The following PACRG variants were observed in gnomAD, a reference collection of about 807,000 sequenced individuals.
PACRG encodes the protein parkin coregulated gene protein.
A neutral mutation model predicts 29.7 loss-of-function variants in PACRG; 29 were observed. The ratio of observed to expected loss-of-function variants is 0.98; its 90% CI spans 0.73 to 1.33. The LOEUF is 1.33. Among genes scored for constraint, PACRG ranks in the 40% most tolerant of loss-of-function variants. The pLI is 0.00. For synonymous variants in PACRG, 116 were observed against 118.7 expected (o/e 0.98, Z 0.15); for missense variants, 279 against 316.2 (o/e 0.88, Z 0.89).
intron 2 of PACRG, among the ~76,000 whole-genome samples, chr6:162,868,361 A>G (rs1204893832): frequency 6.6e-6 from 1 of 152,244 alleles, no homozygotes; most frequent in Admixed American, 6.5e-5. Context: ...AACAAGAATT[A>G]TCTAACAGAC....
chr6:162,995,562 G>A (rs558633527), intron 2 of PACRG, among the ~76,000 whole-genome samples: 40 of 152,318 alleles, frequency 2.6e-4, no homozygotes, highest in African/African-American at 4.8e-4. Context: ...GACCCCTTGC[G>A]CTTCCCACGT....
At chr6:162,730,177 A>G (rs1326842343) in intron 1 of PACRG, among the ~76,000 whole-genome samples, 2 of 152,072 alleles carry the variant, frequency 1.3e-5, no homozygotes, top group East Asian at 1.9e-4. Flanking sequence ...AACAACATTC[A>G]AATCTTGATA....
chr6:163,173,193 C>T (rs1239089568), intron 4 of PACRG, among the ~76,000 whole-genome samples: 1 of 152,182 alleles, frequency 6.6e-6, no homozygotes, highest in Non-Finnish European at 1.5e-5. Context: ...TTCTTTATCC[C>T]TCTCTGTTTG....
chr6:162,891,911 A>C (rs1794790992), intron 2 of PACRG: 1 of 152,308 alleles, frequency 6.6e-6, no homozygotes. Flanking sequence ...CCATCACAAC[A>C]TGAGCACAAA....
At chr6:163,004,171 T>C (rs1804826206) in intron 2 of PACRG, among the ~76,000 whole-genome samples, 2 of 151,462 alleles carry the variant, frequency 1.3e-5, no homozygotes, top group Admixed American at 1.3e-4. Context: ...TTTCATTGCA[T>C]AGTTTTCTAA....
At chr6:163,000,468 C>T (rs1326332104) in intron 2 of PACRG, among the ~76,000 whole-genome samples, 2 of 152,090 alleles carry the variant, frequency 1.3e-5, no homozygotes, top group African/African-American at 4.8e-5. Context: ...CAAAGGGGTC[C>T]CTGTCGCTCC....
At chr6:163,277,626 T>C (rs1189012190) in intron 4 of PACRG, among the ~76,000 whole-genome samples, 1 of 150,264 alleles carries the variant, frequency 6.7e-6, no homozygotes, top group South Asian at 2.1e-4. Context: ...TGTATACATA[T>C]ATACATACGT....
At chr6:162,911,793 A>C (rs186124520) in intron 2 of PACRG, among the ~76,000 whole-genome samples, 41 of 152,296 alleles carry the variant, frequency 2.7e-4, no homozygotes, top group African/African-American at 9.9e-4. Flanking sequence ...GCTGTGACCT[A>C]GGGCTAGTGG....
chr6:163,217,185 C>T (rs772736102), intron 4 of PACRG, among the ~76,000 whole-genome samples: 11 of 152,144 alleles, frequency 7.2e-5, no homozygotes, highest in South Asian at 2.1e-4. Context: ...GGGAATGTAC[C>T]GCTCCCTGCA....
At chr6:163,242,757 C>T (rs1041492348) in intron 4 of PACRG, among the ~76,000 whole-genome samples, 5 of 152,194 alleles carry the variant, frequency 3.3e-5, no homozygotes, top group Non-Finnish European at 7.3e-5. Context: ...CGAGTTGTGT[C>T]ATTTATGGCA....
intron 4 of PACRG, among the ~76,000 whole-genome samples, chr6:163,280,489 G>T (rs1322893612): frequency 6.6e-6 from 1 of 152,126 alleles, no homozygotes; most frequent in Non-Finnish European, 1.5e-5. Flanking sequence ...CTCATTTCAA[G>T]GTCTTCACTC....
At chr6:163,085,659 C>T (rs56765014) in intron 3 of PACRG, among the ~76,000 whole-genome samples, 2 of 152,310 alleles carry the variant, frequency 1.3e-5, no homozygotes, top group South Asian at 2.1e-4. Flanking sequence ...GTCCCTAGCG[C>T]GCTGCTTCCT....
intron 2 of PACRG, among the ~76,000 whole-genome samples, chr6:163,058,895 G>T (rs368347475): frequency 6.7e-6 from 1 of 148,900 alleles, no homozygotes; most frequent in East Asian, 2.0e-4. Context: ...GCGAGACTCC[G>T]TCTCAAAAAA....
intron 2 of PACRG, among the ~76,000 whole-genome samples, chr6:162,976,136 A>G (rs1295888795): frequency 4.6e-5 from 7 of 152,226 alleles, no homozygotes; most frequent in Non-Finnish European, 7.3e-5. Flanking sequence ...AGTAGTGAGA[A>G]ATGGAAGCAA....
Position 162,874,793 on chromosome 6 carries a change from C to T in PACRG, c.291+60512C>T, listed in dbSNP as rs374111005. Among the ~76,000 whole-genome samples, 238 of 152,176 alleles carry T rather than the reference C, an allele frequency of 1.6e-3. 1 individual carries two copies. Among genetic ancestry groups the T allele is most frequent in the African/African-American group, 5.3e-3 (222 of 41,512 alleles). ...ACACACTCGCACACACTTATTCCCACATCACACACAAAGTCACATTCATAC... is the reference window on the plus strand; with the variant it reads ...ACACACTCGCACACACTTATTCCCATATCACACACAAAGTCACATTCATAC... On this transcript the variant is annotated intron_variant, in intron 2 of 4. Transcript: ENST00000366888.
chr6:162,768,386 C>T (rs1264028155), intron 1 of PACRG, among the ~76,000 whole-genome samples: 3 of 151,904 alleles, frequency 2.0e-5, no homozygotes, highest in African/African-American at 7.2e-5. Context: ...CTAATTTCCT[C>T]TGAGTCTTTT....
intron 4 of PACRG, among the ~76,000 whole-genome samples, chr6:163,129,228 C>T (rs1022327515): frequency 1.3e-5 from 2 of 152,126 alleles, no homozygotes; most frequent in Non-Finnish European, 2.9e-5. Flanking sequence ...ACAATTTGAG[C>T]GCGATTTGAA....
chr6:163,084,644 A>G (rs1813378630), intron 3 of PACRG, among the ~76,000 whole-genome samples: 1 of 152,074 alleles, frequency 6.6e-6, no homozygotes, highest in Non-Finnish European at 1.5e-5. Flanking sequence ...CTGTCAATCC[A>G]ATAACGTTGA....
At chr6:163,076,621 C>A (rs1027028843) in intron 3 of PACRG, among the ~76,000 whole-genome samples, 1 of 152,196 alleles carries the variant, frequency 6.6e-6, no homozygotes, top group African/African-American at 2.4e-5. Context: ...GACTTTATTT[C>A]TTACTATTTC....
Sources: allele counts gnomAD v4.1 joint callset (sites outside exome capture counted in the v4.1 genomes callset), GRCh38; gene constraint gnomAD v4.1.1; transcripts MANE v1.5; gene names NCBI Gene and HGNC (gene_info 2026-07-23, HGNC 2026-07-21).